DSCAM: variants seen among roughly 807,000 people sequenced by gnomAD.
DSCAM encodes DS cell adhesion molecule.
In DSCAM, 47 loss-of-function variants were observed where a neutral mutation model predicts 217.7. That is an observed-to-expected ratio of 0.22 (90% CI 0.17 to 0.28). The LOEUF is 0.28. Among genes scored for constraint, DSCAM ranks in the 10% least tolerant of loss-of-function variants. The pLI, the probability that DSCAM is intolerant of heterozygous loss-of-function variation, is 1.00. For synonymous variants in DSCAM, 1,056 were observed against 1,015.3 expected, an observed-to-expected ratio of 1.04 and a Z score of -0.76; for missense variants, 2,080 against 2,618.3, an observed-to-expected ratio of 0.79 and a Z score of 4.49.
At position 40,654,324 on chromosome 21, in the gene DSCAM, C is replaced by T. The variant is rs536948041; in HGVS notation, c.508+38486G>A. 7.9e-5 allele frequency among the ~76,000 whole-genome samples: 12 copies of T among 152,292 alleles called. 1 individual carries two copies. The highest frequency in any genetic ancestry group is 5.2e-4 in the Admixed American group (8 of 15,302). On this transcript the variant is annotated intron_variant, in intron 3 of 32. Transcript: ENST00000400454. ...CTCTAGGTTGAGTCCTAGAAGCATG[C>T]TCTCTGCTTTCTGGTGCTAGTACAA...
chr21:40,817,764 G>C (rs538961180), intron 1 of DSCAM, among the ~76,000 whole-genome samples: 6 of 152,146 alleles, frequency 3.9e-5, no homozygotes, highest in Non-Finnish European at 7.3e-5. Flanking sequence ...CAGAGTAGAA[G>C]GTAAAAGGAA....
At chr21:40,196,804 T>A (rs1231597269) in intron 11 of DSCAM, among the ~76,000 whole-genome samples, 1 of 152,184 alleles carries the variant, frequency 6.6e-6, no homozygotes, top group Non-Finnish European at 1.5e-5. Context: ...TTCCATATAC[T>A]GCATAAGTAT....
chr21:40,370,263 A>C (rs1601593281), intron 3 of DSCAM, among the ~76,000 whole-genome samples: 1 of 152,152 alleles, frequency 6.6e-6, no homozygotes, highest in Admixed American at 6.5e-5. Flanking sequence ...TTTAAAAAAA[A>C]AAAAAAAGTA....
intron 1 of DSCAM, among the ~76,000 whole-genome samples, chr21:40,797,620 G>A (rs1427241238): frequency 6.6e-6 from 1 of 152,138 alleles, no homozygotes; most frequent in Non-Finnish European, 1.5e-5. Context: ...AAACAGCCAG[G>A]GGAAAGAGTG....
chr21:40,587,533 A>G (rs2146236605), intron 3 of DSCAM, among the ~76,000 whole-genome samples: 1 of 152,334 alleles, frequency 6.6e-6, no homozygotes, highest in East Asian at 1.9e-4. Context: ...GTTGTTTATC[A>G]TTTGATAAAT....
chr21:40,314,081 C>T (rs1010208158), intron 8 of DSCAM, among the ~76,000 whole-genome samples: 4 of 152,164 alleles, frequency 2.6e-5, no homozygotes, highest in African/African-American at 4.8e-5. Flanking sequence ...CAGCAGTGAA[C>T]GTGCTGGGCA....
rs192520465 is a variant in DSCAM at position 40,175,136 on chromosome 21, G to C, written c.2947+3791C>G. On this transcript the variant is annotated intron_variant, in intron 15 of 32. Coordinates refer to ENST00000400454, the MANE Select transcript of DSCAM (RefSeq NM_001389.5). The stretch of plus-strand genomic sequence containing the variant: ...TTTCTGTTTCTTTTTTTGACAAGGA[G>C]TCTCACTCTGTTGCCCAGGCTGGAG... Among the ~76,000 whole-genome samples the C allele has an allele frequency of 3.3e-3, 500 of 152,270 alleles. 1 individual carries two copies. Among genetic ancestry groups the C allele is most frequent in the African/African-American group, 0.011 (477 of 41,574 alleles).
intron 3 of DSCAM, among the ~76,000 whole-genome samples, chr21:40,536,402 T>G (rs906942278): frequency 2.7e-5 from 3 of 112,508 alleles, no homozygotes; most frequent in Non-Finnish European, 5.8e-5. Context: ...GGTAGAGTCT[T>G]TTTTTTTTTT....
At chr21:40,614,559 G>T (rs2089363208) in intron 3 of DSCAM, among the ~76,000 whole-genome samples, 1 of 152,158 alleles carries the variant, frequency 6.6e-6, no homozygotes, top group Non-Finnish European at 1.5e-5. Context: ...TTTGAAAAAT[G>T]TGCTCACTCT....
intron 1 of DSCAM, among the ~76,000 whole-genome samples, chr21:40,843,789 T>C (rs1189952562): frequency 7.2e-6 from 1 of 138,332 alleles, no homozygotes; most frequent in Non-Finnish European, 1.5e-5. Context: ...ACTGACTTCT[T>C]CTTTTTTTTT....
chr21:40,064,132 A>ATATG (rs1491099697), intron 27 of DSCAM, among the ~76,000 whole-genome samples: 3 of 148,652 alleles, frequency 2.0e-5, no homozygotes, highest in South Asian at 2.1e-4. Context: ...ATATATATAT[A>ATATG]TGTGCTTATA....
intron 32 of DSCAM, among the ~76,000 whole-genome samples, chr21:40,032,962 A>G (rs745875395): frequency 1.9e-4 from 29 of 152,332 alleles, no homozygotes; most frequent in Non-Finnish European, 1.3e-4. Context: ...CAACTAACAA[A>G]GCATTGCAGA....
rs114808592 is a variant in DSCAM, at chr21:40,152,464, T to C, written c.3019-7733A>G. Among the ~76,000 whole-genome samples the C allele has an allele frequency of 4.3e-3, 652 of 152,334 alleles. 9 individuals are homozygous for C. Among genetic ancestry groups the C allele is most frequent in the African/African-American group, 0.015 (625 of 41,578 alleles). On this transcript the variant is annotated intron_variant, in intron 16 of 32. Transcript: ENST00000400454. Reference sequence around the variant, plus strand: ...AATGATCCTGATTTCTTCTCATTTCTTTCATTTATCTGCCATCTGTGGAAT... The same window carrying C: ...AATGATCCTGATTTCTTCTCATTTCCTTCATTTATCTGCCATCTGTGGAAT...
chr21:40,579,246 A>T (rs1419992646), intron 3 of DSCAM, among the ~76,000 whole-genome samples: 1 of 148,592 alleles, frequency 6.7e-6, no homozygotes, highest in Admixed American at 6.9e-5. Context: ...AAATTATAAT[A>T]AATTAATTTG....
chr21:40,220,421 G>T (rs1433172437), intron 11 of DSCAM, among the ~76,000 whole-genome samples: 3 of 152,150 alleles, frequency 2.0e-5, no homozygotes, highest in African/African-American at 7.2e-5. Context: ...TCACTATTTT[G>T]TCTCCTCTGA....
intron 18 of DSCAM, among the ~76,000 whole-genome samples, chr21:40,137,607 A>T (rs2090227320): frequency 9.1e-6 from 1 of 109,608 alleles, no homozygotes; most frequent in South Asian, 2.6e-4. Flanking sequence ...ACACACACAC[A>T]CACACACACA....
chr21:40,475,829 T>TTAAA (rs552813635), intron 3 of DSCAM, among the ~76,000 whole-genome samples: 2 of 131,310 alleles, frequency 1.5e-5, no homozygotes, highest in East Asian at 4.9e-4. Context: ...AGACTCTGTC[T>TTAAA]TAAATAAATA....
intron 20 of DSCAM, among the ~76,000 whole-genome samples, chr21:40,109,966 G>A (rs1357343374): frequency 6.6e-6 from 1 of 152,224 alleles, no homozygotes; most frequent in East Asian, 1.9e-4. Flanking sequence ...AGGCCTGCCT[G>A]CCTCTGTAGA....
intron 1 of DSCAM, among the ~76,000 whole-genome samples, chr21:40,793,273 G>A (rs1032100242): frequency 6.6e-6 from 1 of 152,130 alleles, no homozygotes; most frequent in South Asian, 2.1e-4. Context: ...GAGGGATTCT[G>A]AGGTTTAGAC....
Sources: allele counts gnomAD v4.1 joint callset (sites outside exome capture counted in the v4.1 genomes callset), GRCh38; gene constraint gnomAD v4.1.1; transcripts MANE v1.5; gene names NCBI Gene and HGNC (gene_info 2026-07-23, HGNC 2026-07-21).